Variants in USP39 observed in about 807,000 individuals in gnomAD.
The protein encoded by USP39 is ubiquitin specific peptidase 39, also known as ubiquitin carboxyl-terminal hydrolase 39.
In USP39, 38 loss-of-function variants were observed where a neutral mutation model predicts 66.4. The ratio of observed to expected loss-of-function variants is 0.57; its 90% CI spans 0.44 to 0.75. USP39 has a LOEUF of 0.75. Ranked by LOEUF, USP39 falls within the 30% of genes least tolerant of loss-of-function variation. The probability of loss-of-function intolerance (pLI) is 0.00; values close to 1 mark genes in which losing one functional copy is unlikely to be tolerated. For missense variants in USP39, 608 were observed against 714.4 expected (o/e 0.85, Z 1.70); for synonymous variants, 303 against 274.6 (o/e 1.10, Z -1.02).
At chr2:85,641,885 G>A (rs1456815551) in intron 10 of USP39, among the ~76,000 whole-genome samples, 1 of 147,248 alleles carries the variant, frequency 6.8e-6, no homozygotes, top group Non-Finnish European at 1.5e-5. Flanking sequence ...GCCTGGGTCT[G>A]GGTGACAGAG....
At chr2:85,643,690 C>T (rs1216179258) in intron 10 of USP39, among the ~76,000 whole-genome samples, 1 of 150,246 alleles carries the variant, frequency 6.7e-6, no homozygotes, top group Non-Finnish European at 1.5e-5. Context: ...CTCTGTTGCC[C>T]AGGCTGGAGT....
chr2:85,639,457 T>TTC (rs1169783727), intron 9 of USP39, 66 bp downstream of exon 9: 12 of 1,295,242 alleles, frequency 9.3e-6, no homozygotes, highest in South Asian at 6.6e-5. Flanking sequence ...TCATTTTCTT[T>TTC]TTTTTTTTTT....
At position 85,639,515 on chromosome 2, in the gene USP39, C is replaced by T. The variant is rs573761530; in HGVS notation, c.1284+124C>T. On this transcript the variant is annotated intron_variant, in intron 9 of 12. Coordinates refer to ENST00000323701, the MANE Select transcript of USP39 (RefSeq NM_006590.4). ...TGTCGCCCAGGCTGGAGTGCAGTGG[C>T]GTGATTTCGGCTGACTGCAATCTCT... 2.5e-4 allele frequency: 252 copies of T among 1,022,974 alleles called. 1 individual carries two copies. Among genetic ancestry groups the T allele is most frequent in the Non-Finnish European group, 3.1e-4 (232 of 737,184 alleles). The allele number at this position is 1,022,974 out of a possible 1,614,324, so 63.4% of individuals were successfully genotyped here. A position where few individuals can be genotyped will look rare whatever the true frequency, so the allele number is the denominator to read the frequency against.
chr2:85,611,368 T>C, upstream of USP39: 1 of 1,446,934 alleles, frequency 6.9e-7, no homozygotes, highest in Non-Finnish European at 9.0e-7. Context: ...TGCCAGACTT[T>C]CTCTTTGCTA....
chr2:85,613,176 C>T (rs112359600), upstream of USP39, among the ~76,000 whole-genome samples: 495 of 151,930 alleles, frequency 3.3e-3, 4 homozygotes, highest in African/African-American at 0.012. Context: ...CTGGGCAACA[C>T]AGCGAGACAT....
intron 4 of USP39, among the ~76,000 whole-genome samples, chr2:85,624,236 T>C (rs577500663): frequency 2.0e-5 from 3 of 152,298 alleles, no homozygotes; most frequent in South Asian, 4.1e-4. Context: ...GAGACACTCA[T>C]TGTACTGAGC....
At position 85,623,638 on chromosome 2, in the gene USP39, C is replaced by T. The variant is rs997163462; in HGVS notation, c.434-8C>T. On this transcript the variant is annotated splice_region_variant and splice_polypyrimidine_tract_variant and intron_variant, in intron 3 of 12. Transcript: ENST00000323701. Reference sequence around the variant, plus strand: ...CCTTCTATTACAGCTTTTCACCCTTCCCTACAGGCCGGGGTTTGAAGTCTC... The same window carrying T: ...CCTTCTATTACAGCTTTTCACCCTTTCCTACAGGCCGGGGTTTGAAGTCTC... The T allele has an allele frequency of 1.5e-5, 24 of 1,610,794 alleles. No individual in the cohort carries two copies. Among genetic ancestry groups the T allele is most frequent in the Admixed American group, 3.4e-5 (2 of 59,406 alleles).
At chr2:85,616,184 C>G, upstream of USP39, 2 of 1,426,608 alleles carry the variant, frequency 1.4e-6, no homozygotes, top group South Asian at 3.1e-5. Flanking sequence ...GACGACTCGG[C>G]CGGTAGTGGA....
At chr2:85,603,030 G>A (rs575157331) in exon 1 of USP39, 2 of 152,374 alleles carry the variant, frequency 1.3e-5, no homozygotes, top group African/African-American at 2.4e-5. Flanking sequence ...CACATGGCTG[G>A]AGGAGCGTCT....
chr2:85,621,427 A>G, intron 2 of USP39, 58 bp from the exon 3 acceptor site: 2 of 1,489,338 alleles, frequency 1.3e-6, no homozygotes, highest in Non-Finnish European at 1.9e-6. Context: ...GCACTGCTTC[A>G]TTTGCGTGCC....
chr2:85,637,514 G>C (rs1004128794), intron 8 of USP39, 78 bp downstream of exon 8: 7 of 1,488,414 alleles, frequency 4.7e-6, no homozygotes, highest in Non-Finnish European at 6.5e-6. Context: ...GATGCTCAGA[G>C]AACTGACAAG....
chr2:85,641,204 G>C (rs1676210934), intron 10 of USP39, 86 bp downstream of exon 10: 1 of 1,543,312 alleles, frequency 6.5e-7, no homozygotes, highest in Non-Finnish European at 8.8e-7. Context: ...ATTTTGGACT[G>C]TCTTAGTTGG....
chr2:85,623,895 G>A (rs550583102), intron 4 of USP39, 113 bp downstream of exon 4: 3 of 1,222,128 alleles, frequency 2.5e-6, no homozygotes, highest in Admixed American at 2.7e-5. Context: ...TTTAGGCATC[G>A]AGAGGCTGCT....
At chr2:85,643,791 G>A (rs1463814318) in intron 10 of USP39, among the ~76,000 whole-genome samples, 1 of 151,866 alleles carries the variant, frequency 6.6e-6, no homozygotes, top group African/African-American at 2.4e-5. Flanking sequence ...GGGACTACAG[G>A]TGCACGCCGC....
At chr2:85,616,785 C>G (rs146621739) in intron 1 of USP39, among the ~76,000 whole-genome samples, 7,395 of 150,296 alleles carry the variant, frequency 0.049, 213 homozygotes, top group Middle Eastern at 0.1. Flanking sequence ...TCAAACGATT[C>G]TCCTACCTCC....
chr2:85,631,730 TTTTTG>T (rs955411421), intron 6 of USP39, among the ~76,000 whole-genome samples: 10 of 151,896 alleles, frequency 6.6e-5, no homozygotes, highest in South Asian at 2.1e-4. Context: ...TCTGATGATA[TTTTTG>T]TTTTGTTTTG....
rs184823369 is a variant in USP39, at chr2:85,637,911, G to A, written c.1095+475G>A. On this transcript the variant is annotated intron_variant, in intron 8 of 12. Coordinates refer to ENST00000323701, the MANE Select transcript of USP39 (RefSeq NM_006590.4). The stretch of plus-strand genomic sequence containing the variant: ...GGGCTTCACCATGTTGGTCCAGGCT[G>A]GTCTCGAACTCCTGACCTCAGGTGA... 3.6e-3 allele frequency among the ~76,000 whole-genome samples: 552 copies of A among 152,262 alleles called. 4 individuals carry two copies. The highest frequency in any genetic ancestry group is 0.012 in the Admixed American group (180 of 15,274).
At chr2:85,615,148 G>A (rs557979939), upstream of USP39, among the ~76,000 whole-genome samples, 41 of 152,240 alleles carry the variant, frequency 2.7e-4, no homozygotes, top group African/African-American at 9.6e-4. Flanking sequence ...AGCCTCCTAA[G>A]TAGCTGGGTT....
chr2:85,613,722 G>C (rs1673726362), upstream of USP39, among the ~76,000 whole-genome samples: 1 of 152,102 alleles, frequency 6.6e-6, no homozygotes, highest in Non-Finnish European at 1.5e-5. Flanking sequence ...ATTTTTGTGG[G>C]GGTTCTCTGG....
Sources: gnomAD v4.1 joint callset for allele counts (sites outside exome capture counted in the v4.1 genomes callset) on GRCh38, gnomAD v4.1.1 for gene constraint, MANE v1.5 for transcripts, NCBI Gene and HGNC (gene_info 2026-07-23, HGNC 2026-07-21) for gene names.